Variants in AUTS2 observed in about 807,000 individuals in gnomAD.
The protein encoded by AUTS2 is autism susceptibility gene 2 protein.
In AUTS2, 17 loss-of-function variants were observed where a neutral mutation model predicts 112.4. The ratio of observed to expected loss-of-function variants is 0.15; its 90% confidence interval spans 0.10 to 0.23. The LOEUF is 0.23. AUTS2 is among the 10% of genes least tolerant of loss of function. AUTS2 has a pLI of 1.00. For synonymous variants in AUTS2, 751 were observed against 702.7 expected, an observed-to-expected ratio of 1.07 and a Z score of -1.09; for missense variants, 1,510 against 1,701.6, an observed-to-expected ratio of 0.89 and a Z score of 1.98.
At chr7:70,690,200 T>C (rs1042876867) in intron 5 of AUTS2, among the ~76,000 whole-genome samples, 2 of 152,188 alleles carry the variant, frequency 1.3e-5, no homozygotes, top group Non-Finnish European at 2.9e-5. Context: ...TGATGCTGGC[T>C]CCAGGGCCCA....
At chr7:70,592,400 T>C (rs1802992188) in intron 5 of AUTS2, among the ~76,000 whole-genome samples, 1 of 152,094 alleles carries the variant, frequency 6.6e-6, no homozygotes, top group African/African-American at 2.4e-5. Flanking sequence ...AGTCTTGCCC[T>C]GTTGACAGGC....
At chr7:70,024,898 A>G (rs1233401223) in intron 2 of AUTS2, among the ~76,000 whole-genome samples, 1 of 152,238 alleles carries the variant, frequency 6.6e-6, no homozygotes, top group Non-Finnish European at 1.5e-5. Context: ...GAAGTTAACC[A>G]CATCTAGAAA....
intron 5 of AUTS2, among the ~76,000 whole-genome samples, chr7:70,541,515 A>G (rs962220259): frequency 1.3e-5 from 2 of 152,244 alleles, no homozygotes; most frequent in African/African-American, 2.4e-5. Context: ...AAGAAGGAAC[A>G]TATTCATTTC....
chr7:69,925,609 G>C (rs1795978164), intron 2 of AUTS2, among the ~76,000 whole-genome samples: 1 of 152,162 alleles, frequency 6.6e-6, no homozygotes, highest in African/African-American at 2.4e-5. Context: ...CATCCAGGCT[G>C]GAGTGCAGTG....
In AUTS2 at chr7:70,448,398, T is replaced by A. The variant is rs181219105; in HGVS notation, c.690+12617T>A. On this transcript the variant is annotated intron_variant, in intron 5 of 18. Transcript: ENST00000342771. ...CATAGATAAGCATGGCTTTTCTCAC[T>A]GAGAAATTTAAAATTAAGTTAGCAC... Among the ~76,000 whole-genome samples the A allele has an allele frequency of 7.2e-5, 11 of 152,288 alleles. No individual in the cohort carries two copies. The East Asian group carries it at 2.1e-3, about 29-fold the overall frequency.
rs527590074 is a variant in AUTS2, at chr7:69,671,790, C to CTATTT, written c.309+71855_309+71859dup. Among the ~76,000 whole-genome samples the CTATTT allele has an allele frequency of 4.5e-3, 679 of 152,032 alleles. 1 individual carries two copies. The highest frequency in any genetic ancestry group is 8.1e-3 in the African/African-American group (336 of 41,482). Reference sequence around the variant, plus strand: ...TACTAGTTTTTAAGATATTTTTGTCCTATTTTATTTTATTTTATTTTATTT... The same window carrying CTATTT: ...TACTAGTTTTTAAGATATTTTTGTCCTATTTTATTTTATTTTATTTTATTTTATTT... On this transcript the variant is annotated intron_variant, in intron 1 of 18. Transcript: ENST00000342771.
Position 69,748,592 on chromosome 7 carries a change from T to C in AUTS2, c.309+148630T>C, listed in dbSNP as rs1261114780. On this transcript the variant is annotated intron_variant, in intron 1 of 18. Transcript: ENST00000342771. Reference sequence around the variant, plus strand: ...GTAGAGATAAAAGAGAAATTTTGTATTCTGAAGATGTACAGACAATTATAA... The same window carrying C: ...GTAGAGATAAAAGAGAAATTTTGTACTCTGAAGATGTACAGACAATTATAA... 3.9e-5 allele frequency among the ~76,000 whole-genome samples: 6 copies of C among 152,324 alleles called. No individual in the cohort carries two copies. The East Asian group carries it at 1.2e-3, about 29-fold the overall frequency.
chr7:70,785,671 G>A (rs536233708), intron 16 of AUTS2, among the ~76,000 whole-genome samples: 2 of 152,214 alleles, frequency 1.3e-5, no homozygotes, highest in Non-Finnish European at 2.9e-5. Flanking sequence ...GGGCGGGAAG[G>A]CAAGTTAGTA....
chr7:70,535,387 T>C (rs1163006882), intron 5 of AUTS2, among the ~76,000 whole-genome samples: 1 of 151,864 alleles, frequency 6.6e-6, no homozygotes, highest in Non-Finnish European at 1.5e-5. Flanking sequence ...TGTTGTGTTG[T>C]TTTCTTTTTT....
At chr7:69,856,932 A>T (rs1792755072) in intron 1 of AUTS2, among the ~76,000 whole-genome samples, 1 of 152,202 alleles carries the variant, frequency 6.6e-6, no homozygotes, top group South Asian at 2.1e-4. Context: ...TGAAATGGCA[A>T]CATTTTGTAT....
chr7:70,526,999 A>T (rs1214729247), intron 5 of AUTS2, among the ~76,000 whole-genome samples: 1 of 152,208 alleles, frequency 6.6e-6, no homozygotes, highest in Non-Finnish European at 1.5e-5. Context: ...ATGATTTTTC[A>T]TGCTTTTCAA....
chr7:70,676,107 A>G (rs1452527282), intron 5 of AUTS2, among the ~76,000 whole-genome samples: 1 of 152,222 alleles, frequency 6.6e-6, no homozygotes, highest in South Asian at 2.1e-4. Flanking sequence ...CTGACTTGGT[A>G]TAAAAGGTTA....
chr7:70,058,766 A>T lies in AUTS2; in HGVS notation c.523-59366A>T, dbSNP rs141260225. Among the ~76,000 whole-genome samples the T allele has an allele frequency of 5.8e-3, 876 of 152,212 alleles. 3 individuals are homozygous for T. Among genetic ancestry groups the T allele is most frequent in the South Asian group, 0.018 (89 of 4,826 alleles). Reference sequence around the variant, plus strand: ...AGGATTCAGTTATGATGGTGATATTATTAGAGACTTATCTGAATGAAATCA... The same window carrying T: ...AGGATTCAGTTATGATGGTGATATTTTTAGAGACTTATCTGAATGAAATCA... On this transcript the variant is annotated intron_variant, in intron 2 of 18. Coordinates refer to ENST00000342771, the MANE Select transcript of AUTS2 (RefSeq NM_015570.4).
chr7:70,528,093 A>ATTTTTTTTTTTTTT (rs10651355), intron 5 of AUTS2, among the ~76,000 whole-genome samples: 3 of 97,298 alleles, frequency 3.1e-5, no homozygotes, highest in Non-Finnish European at 4.0e-5. Context: ...AAATTTAAGG[A>ATTTTTTTTTTTTTT]TTTTTTTTTT....
At chr7:70,022,384 G>A (rs1312866201) in intron 2 of AUTS2, among the ~76,000 whole-genome samples, 5 of 151,038 alleles carry the variant, frequency 3.3e-5, no homozygotes, top group East Asian at 2.0e-4. Context: ...GCTGTGGTGC[G>A]ATCTTGCCTC....
intron 4 of AUTS2, 43 bp downstream of exon 4, chr7:70,134,614 TTGA>T: frequency 6.3e-7 from 1 of 1,582,522 alleles, no homozygotes; most frequent in Middle Eastern, 1.7e-4. Context: ...TGCATTGGCA[TTGA>T]TTTCCTTCTA....
intron 1 of AUTS2, among the ~76,000 whole-genome samples, chr7:69,729,682 T>G (rs569218909): frequency 6.6e-6 from 1 of 152,264 alleles, no homozygotes; most frequent in East Asian, 1.9e-4. Flanking sequence ...AGAATCCCTC[T>G]TAATTTCTTC....
chr7:70,611,357 G>A (rs1804083407), intron 5 of AUTS2, among the ~76,000 whole-genome samples: 1 of 152,206 alleles, frequency 6.6e-6, no homozygotes, highest in Non-Finnish European at 1.5e-5. Flanking sequence ...GGACATAATG[G>A]TTGGGGCTGC....
intron 15 of AUTS2, 149 bp from the exon 16 acceptor site, chr7:70,784,793 T>A: frequency 1.8e-6 from 1 of 544,914 alleles, no homozygotes; most frequent in Non-Finnish European, 3.3e-6. Context: ...TCTTTTACCC[T>A]GTGTCTTGCC....
Sources: gnomAD v4.1 joint callset for allele counts (sites outside exome capture counted in the v4.1 genomes callset) on GRCh38, gnomAD v4.1.1 for gene constraint, MANE v1.5 for transcripts, NCBI Gene and HGNC (gene_info 2026-07-23, HGNC 2026-07-21) for gene names.